SLC24A2: variants seen among roughly 807,000 people sequenced by gnomAD.
SLC24A2 encodes sodium/potassium/calcium exchanger 2.
Under a neutral mutation model 62.0 loss-of-function variants are expected in SLC24A2, and 36 were observed. The observed-to-expected ratio is 0.58, with a 90% confidence interval of 0.44 to 0.77. SLC24A2 has a LOEUF of 0.77. Ranked by LOEUF, SLC24A2 falls within the 30% of genes least tolerant of loss-of-function variation. SLC24A2 has a pLI of 0.00. For synonymous variants in SLC24A2, 358 were observed against 294.0 expected (o/e 1.22, Z -2.23); for missense variants, 846 against 817.9 (o/e 1.03, Z -0.42).
chr9:19,933,050 G>C, the SLC24A2 span, among the ~76,000 whole-genome samples: 1 of 152,224 alleles, frequency 6.6e-6, no homozygotes, highest in Non-Finnish European at 1.5e-5. Flanking sequence ...CAGGAGGTGG[G>C]GGCTGCGGGG....
At chr9:19,657,618 C>T (rs1375715398) in intron 2 of SLC24A2, among the ~76,000 whole-genome samples, 1 of 152,068 alleles carries the variant, frequency 6.6e-6, no homozygotes, top group African/African-American at 2.4e-5. Context: ...TTTCCCTTAT[C>T]CCTAATCTCC....
chr9:19,994,902 G>T, the SLC24A2 span, among the ~76,000 whole-genome samples: 3 of 152,156 alleles, frequency 2.0e-5, no homozygotes. Flanking sequence ...GAGCGGGTGG[G>T]ATTTGAGAAG....
At chr9:19,988,843 C>T in the SLC24A2 span, among the ~76,000 whole-genome samples, 1 of 152,128 alleles carries the variant, frequency 6.6e-6, no homozygotes, top group African/African-American at 2.4e-5. Context: ...CACTCCAGAT[C>T]TAAGGAAAAC....
chr9:19,670,339 A>G (rs904870676), intron 2 of SLC24A2, among the ~76,000 whole-genome samples: 5 of 152,198 alleles, frequency 3.3e-5, no homozygotes, highest in African/African-American at 1.2e-4. Flanking sequence ...AAATATAACT[A>G]TAGAACAAAA....
chr9:20,105,037 G>T, the SLC24A2 span, among the ~76,000 whole-genome samples: 9 of 152,056 alleles, frequency 5.9e-5, no homozygotes, highest in Non-Finnish European at 8.8e-5. Flanking sequence ...AAAAAGGTAG[G>T]GGTTGCAATC....
At chr9:19,580,312 T>A (rs1462088830) in intron 5 of SLC24A2, among the ~76,000 whole-genome samples, 1 of 152,242 alleles carries the variant, frequency 6.6e-6, no homozygotes, top group East Asian at 1.9e-4. Context: ...AAAGATTAGT[T>A]TCTAGAAAGG....
At chr9:20,000,448 A>G in the SLC24A2 span, among the ~76,000 whole-genome samples, 1 of 151,868 alleles carries the variant, frequency 6.6e-6, no homozygotes, top group African/African-American at 2.4e-5. Context: ...CTTTTGTGCC[A>G]GTTCTTGATA....
the SLC24A2 span, among the ~76,000 whole-genome samples, chr9:19,811,061 T>C: frequency 6.6e-6 from 1 of 152,206 alleles, no homozygotes; most frequent in Non-Finnish European, 1.5e-5. Flanking sequence ...CCCCACAAAA[T>C]TCATATGTTG....
chr9:20,102,465 G>A, the SLC24A2 span, among the ~76,000 whole-genome samples: 4 of 141,844 alleles, frequency 2.8e-5, no homozygotes, highest in East Asian at 2.3e-4. Context: ...ACACAGGGAG[G>A]TGAACATCAC....
chr9:19,906,988 C>A, the SLC24A2 span, among the ~76,000 whole-genome samples: 1 of 152,176 alleles, frequency 6.6e-6, no homozygotes, highest in Non-Finnish European at 1.5e-5. Context: ...AGGCCAGCAT[C>A]ATCCCGATAC....
At chr9:19,864,768 G>A in the SLC24A2 span, among the ~76,000 whole-genome samples, 1 of 152,040 alleles carries the variant, frequency 6.6e-6, no homozygotes, top group Admixed American at 6.5e-5. Flanking sequence ...TTTCCTGTAA[G>A]ATCTAGAACA....
chr9:20,100,465 C>G, the SLC24A2 span, among the ~76,000 whole-genome samples: 1 of 152,162 alleles, frequency 6.6e-6, no homozygotes, highest in Non-Finnish European at 1.5e-5. Flanking sequence ...CTATATACAT[C>G]TGAACCCAGG....
the SLC24A2 span, among the ~76,000 whole-genome samples, chr9:19,828,187 A>G: frequency 6.6e-6 from 1 of 152,202 alleles, no homozygotes; most frequent in Non-Finnish European, 1.5e-5. Flanking sequence ...AGTGAATGAA[A>G]TCTAGTATTG....
chr9:19,998,937 C>T, the SLC24A2 span, among the ~76,000 whole-genome samples: 1 of 152,176 alleles, frequency 6.6e-6, no homozygotes, highest in Non-Finnish European at 1.5e-5. Flanking sequence ...AAGAATCAGA[C>T]CAGCAGAAGC....
At chr9:19,525,438 C>G (rs1471891198) in intron 9 of SLC24A2, among the ~76,000 whole-genome samples, 2 of 119,068 alleles carry the variant, frequency 1.7e-5, no homozygotes, top group Admixed American at 2.3e-4. Flanking sequence ...GGGTCTTACT[C>G]TGCCACCCAT....
At chr9:19,690,014 A>C (rs976204985) in intron 2 of SLC24A2, among the ~76,000 whole-genome samples, 4 of 152,076 alleles carry the variant, frequency 2.6e-5, no homozygotes, top group Non-Finnish European at 5.9e-5. Flanking sequence ...TCAGTGCTCC[A>C]ATTCTTAGGC....
intron 8 of SLC24A2, among the ~76,000 whole-genome samples, chr9:19,540,417 T>C (rs951109661): frequency 6.7e-6 from 1 of 149,006 alleles, no homozygotes; most frequent in African/African-American, 2.5e-5. Flanking sequence ...ACAAAATCTC[T>C]CAGCATTTGC....
At chr9:19,878,337 C>A in the SLC24A2 span, among the ~76,000 whole-genome samples, 4 of 152,084 alleles carry the variant, frequency 2.6e-5, no homozygotes, top group Non-Finnish European at 5.9e-5. Flanking sequence ...AGGAGTGGGG[C>A]CAGTTCCATT....
the SLC24A2 span, among the ~76,000 whole-genome samples, chr9:19,852,522 T>C: frequency 0.47 from 70,803 of 152,102 alleles, 19,035 homozygotes; most frequent in Non-Finnish European, 0.6. Context: ...GGGTGCACTT[T>C]CAATTTTCTG....
Sources: gnomAD v4.1 joint callset for allele counts (sites outside exome capture counted in the v4.1 genomes callset) on GRCh38, gnomAD v4.1.1 for gene constraint, MANE v1.5 for transcripts, NCBI Gene and HGNC (gene_info 2026-07-23, HGNC 2026-07-21) for gene names.